NINJ2: variants seen among roughly 807,000 people sequenced by gnomAD.
NINJ2 encodes ninjurin-2.
In NINJ2, 12 loss-of-function variants were observed where a neutral mutation model predicts 11.7. The observed-to-expected ratio is 1.02, with a 90% CI of 0.66 to 1.66. The LOEUF (loss-of-function observed/expected upper bound fraction) is 1.66, where lower values mean the gene tolerates loss of function less well. Among genes scored for constraint, NINJ2 ranks in the 40% most tolerant of loss-of-function variants. The probability of loss-of-function intolerance (pLI) is 0.00; values close to 1 mark genes in which losing one functional copy is unlikely to be tolerated. For missense variants in NINJ2, 187 were observed against 181.8 expected (o/e 1.03, Z -0.16); for synonymous variants, 93 against 76.8 (o/e 1.21, Z -1.10).
intron 1 of NINJ2, among the ~76,000 whole-genome samples, chr12:575,329 G>A (rs544213445): frequency 1.8e-4 from 27 of 152,206 alleles, no homozygotes; most frequent in South Asian, 1.2e-3. Context: ...CCTGAAGAGC[G>A]AACCCTGTGC....
At chr12:570,065 G>A (rs1340838004) in intron 1 of NINJ2, among the ~76,000 whole-genome samples, 1 of 152,336 alleles carries the variant, frequency 6.6e-6, no homozygotes, top group East Asian at 1.9e-4. Context: ...AGCCTCGCCC[G>A]CAAGTCTGGA....
At chr12:647,410 AGCACTGACAGTGTGGTGGTGCCCT>A (rs144621143) in intron 1 of NINJ2, among the ~76,000 whole-genome samples, 6,500 of 152,240 alleles carry the variant, frequency 0.043, 161 homozygotes, top group African/African-American at 0.056. Flanking sequence ...TGCACATAGT[AGCACTGACAGTGTGGTGGTGCCCT>A]GCACTGACAG....
intron 1 of NINJ2, among the ~76,000 whole-genome samples, chr12:597,854 G>T (rs1384027598): frequency 6.6e-6 from 1 of 152,290 alleles, no homozygotes; most frequent in Non-Finnish European, 1.5e-5. Flanking sequence ...GGGCATTGTT[G>T]CTTTTGGGGA....
At chr12:601,499 G>T (rs918807801) in intron 1 of NINJ2, among the ~76,000 whole-genome samples, 6 of 151,288 alleles carry the variant, frequency 4.0e-5, no homozygotes, top group African/African-American at 1.2e-4. Context: ...AGTGAGCCAA[G>T]ATCAGGCCAC....
At chr12:590,066 G>A (rs923895290) in intron 1 of NINJ2, among the ~76,000 whole-genome samples, 13 of 152,166 alleles carry the variant, frequency 8.5e-5, no homozygotes, top group Non-Finnish European at 1.6e-4. Context: ...AAGGTTATCC[G>A]CAGCCAGTGG....
chr12:623,141 G>T (rs1438362719), intron 1 of NINJ2, among the ~76,000 whole-genome samples: 3 of 152,158 alleles, frequency 2.0e-5, no homozygotes, highest in Non-Finnish European at 4.4e-5. Flanking sequence ...TAGCTTCTCT[G>T]GGCAGCTGGT....
rs772027062 is a variant in NINJ2 at position 640,455 on chromosome 12, TAC to T, written c.33+22871_33+22872del. ...TGACAGCAGGGCCTTTAGTCCCAAC[TAC>T]AGTCATTAATTCATCCCTGGTACTT... On this transcript the variant is annotated intron_variant, in intron 1 of 3. Transcript: ENST00000305108. The surrounding 1 kb of genome is among the most constrained non-coding windows in gnomAD (Gnocchi z 4.0). Among the ~76,000 whole-genome samples the T allele has an allele frequency of 1.3e-5, 2 of 152,244 alleles. No homozygotes were observed. Among genetic ancestry groups the T allele is most frequent in the African/African-American group, 2.4e-5 (1 of 41,462 alleles).
At chr12:597,636 C>A (rs749785537) in intron 1 of NINJ2, among the ~76,000 whole-genome samples, 9 of 152,368 alleles carry the variant, frequency 5.9e-5, no homozygotes, top group East Asian at 1.9e-4. Flanking sequence ...GAAGACATTG[C>A]GTCTTGAGGC....
At chr12:630,772 C>T (rs568465656) in intron 1 of NINJ2, 3 of 152,588 alleles carry the variant, frequency 2.0e-5, no homozygotes, top group African/African-American at 7.2e-5. Context: ...GGTGCGTGCG[C>T]CCTGGGCGGG....
In NINJ2 at chr12:585,553, CG is replaced by C. The variant is rs879878928; in HGVS notation, c.34-19376del. 0.18 allele frequency among the ~76,000 whole-genome samples: 9,187 copies of C among 52,078 alleles called. 477 individuals are homozygous for C. Among genetic ancestry groups the C allele is most frequent in the Non-Finnish European group, 0.23 (6,163 of 26,552 alleles). The allele number at this position is 52,078 out of a possible 152,430, so 34.2% of individuals were successfully genotyped here. A position where few individuals can be genotyped will look rare whatever the true frequency, so the allele number is the denominator to read the frequency against. On this transcript the variant is annotated intron_variant, in intron 1 of 3. Transcript: ENST00000305108. This position sits in a 1 kb window ranked among gnomAD's most constrained non-coding sequence, Gnocchi z 4.1. The stretch of plus-strand genomic sequence containing the variant: ...AACGGTTGGAGGGAAGGGAAGGGAA[CG>C]GTTGGAGGGAAGGGAGGCTGAGCAC...
intron 1 of NINJ2, among the ~76,000 whole-genome samples, chr12:618,929 G>T (rs1328462190): frequency 2.6e-5 from 4 of 152,176 alleles, no homozygotes; most frequent in Non-Finnish European, 5.9e-5. Context: ...GCCCTGTTCA[G>T]GTGCAGAAAA....
At chr12:615,489 G>T (rs1417485676) in intron 1 of NINJ2, among the ~76,000 whole-genome samples, 1 of 152,174 alleles carries the variant, frequency 6.6e-6, no homozygotes, top group African/African-American at 2.4e-5. Context: ...TTGGGAGGCT[G>T]AGGCAGGAGA....
At chr12:655,929 A>C (rs1013754949) in intron 1 of NINJ2, among the ~76,000 whole-genome samples, 1 of 151,758 alleles carries the variant, frequency 6.6e-6, no homozygotes, top group Non-Finnish European at 1.5e-5. Flanking sequence ...TAAATAAATA[A>C]ATTTATAAAT....
rs11063783 is a variant in NINJ2, at chr12:596,173, C to T, written c.34-29995G>A. Among the ~76,000 whole-genome samples, 20 of 152,306 alleles carry T rather than the reference C, an allele frequency of 1.3e-4. No individual in the cohort carries two copies. In the East Asian group the frequency reaches 3.7e-3, roughly 28 times the overall value. ...GCTCCTTGGGATTTTCCCAAAAGAA[C>T]TCAAAACTTACGTTCACACAAAAAT... On this transcript the variant is annotated intron_variant, in intron 1 of 3. Coordinates refer to ENST00000305108, the MANE Select transcript of NINJ2 (RefSeq NM_016533.6).
intron 1 of NINJ2, among the ~76,000 whole-genome samples, chr12:575,917 G>T: frequency 6.6e-6 from 1 of 152,114 alleles, no homozygotes; most frequent in Middle Eastern, 3.2e-3. Flanking sequence ...GAGCCTCAGG[G>T]AATGAATGAC....
chr12:628,506 A>G lies in NINJ2; in HGVS notation c.33+34822T>C, dbSNP rs1001960037. Among the ~76,000 whole-genome samples the G allele has an allele frequency of 2.0e-5, 3 of 152,196 alleles. No individual in the cohort carries two copies. The highest frequency in any genetic ancestry group is 6.5e-5 in the Admixed American group (1 of 15,278). On this transcript the variant is annotated intron_variant, in intron 1 of 3. Coordinates refer to ENST00000305108, the MANE Select transcript of NINJ2 (RefSeq NM_016533.6). The surrounding 1 kb of genome is among the most constrained non-coding windows in gnomAD (Gnocchi z 4.4). ...ATTTTACAGACAGGGAAAGCAAAAA[A>G]CATAAGCATGGTAATGCATATATAA... is the stretch of plus-strand genomic sequence containing the variant.
chr12:649,000 A>G (rs111966239), intron 1 of NINJ2, among the ~76,000 whole-genome samples: 1,448 of 48,928 alleles, frequency 0.03, 12 homozygotes, highest in Middle Eastern at 0.12. Context: ...CTATCTGTCT[A>G]TCTATCTATC....
At chr12:621,295 A>T (rs114124187) in intron 1 of NINJ2, among the ~76,000 whole-genome samples, 8,180 of 148,656 alleles carry the variant, frequency 0.055, 276 homozygotes, top group Non-Finnish European at 0.075. Flanking sequence ...AAAAAAATTT[A>T]AAAAAAAAAT....
At chr12:659,215 C>T (rs1439969855) in intron 1 of NINJ2, among the ~76,000 whole-genome samples, 1 of 151,994 alleles carries the variant, frequency 6.6e-6, no homozygotes, top group African/African-American at 2.4e-5. Context: ...GTATCTCGCT[C>T]TACTTAACCT....
Sources: allele counts gnomAD v4.1 joint callset (sites outside exome capture counted in the v4.1 genomes callset), GRCh38; gene constraint gnomAD v4.1.1; non-coding constraint Gnocchi (gnomAD v3.1); transcripts MANE v1.5; gene names NCBI Gene and HGNC (gene_info 2026-07-23, HGNC 2026-07-21).